RAD51B: variants seen among roughly 807,000 people sequenced by gnomAD.
RAD51B encodes the protein DNA repair protein RAD51 homolog 2.
Under a neutral mutation model 42.2 loss-of-function variants are expected in RAD51B, and 38 were observed. The ratio of observed to expected loss-of-function variants is 0.90; its 90% CI spans 0.70 to 1.18. The LOEUF (loss-of-function observed/expected upper bound fraction) is 1.18, where lower values mean the gene tolerates loss of function less well. RAD51B is among the 50% of genes most tolerant of loss of function. The probability of loss-of-function intolerance (pLI) is 0.00; values close to 1 mark genes in which losing one functional copy is unlikely to be tolerated. For missense variants in RAD51B, 373 were observed against 400.7 expected (o/e 0.93, Z 0.59); for synonymous variants, 154 against 145.2 (o/e 1.06, Z -0.43).
At chr14:68,560,222 G>A (rs1394108383) in intron 10 of RAD51B, among the ~76,000 whole-genome samples, 1 of 152,148 alleles carries the variant, frequency 6.6e-6, no homozygotes, top group African/African-American at 2.4e-5. Context: ...CACATTCAAA[G>A]GTTAAAGTAC....
intron 7 of RAD51B, among the ~76,000 whole-genome samples, chr14:68,078,919 G>A (rs139337552): frequency 6.6e-6 from 1 of 152,144 alleles, no homozygotes; most frequent in Non-Finnish European, 1.5e-5. Context: ...GAGCCTGGGA[G>A]GTTGAGGTTT....
At chr14:68,517,809 T>C (rs1168030405) in intron 10 of RAD51B, among the ~76,000 whole-genome samples, 6 of 152,356 alleles carry the variant, frequency 3.9e-5, no homozygotes, top group African/African-American at 1.4e-4. Flanking sequence ...ATTTTTATGC[T>C]TTTATTTGTC....
rs143745571 is a variant in RAD51B, at chr14:68,265,229, A to G, written c.757-26655A>G. Among the ~76,000 whole-genome samples, 6 of 152,358 alleles carry G rather than the reference A, an allele frequency of 3.9e-5. 1 individual carries two copies. In the East Asian group the frequency reaches 1.2e-3, roughly 29 times the overall value. Reference sequence around the variant, plus strand: ...GAACTAGAATTATAATAGCAGAGTTACTGTATGTTTCAAACAGTGATTTGG... The same window carrying G: ...GAACTAGAATTATAATAGCAGAGTTGCTGTATGTTTCAAACAGTGATTTGG... On this transcript the variant is annotated intron_variant, in intron 7 of 10. Coordinates refer to ENST00000471583, the MANE Select transcript of RAD51B (RefSeq NM_133510.4).
intron 11 of RAD51B, among the ~76,000 whole-genome samples, chr14:68,674,597 T>A (rs1595058867): frequency 6.6e-6 from 1 of 152,212 alleles, no homozygotes; most frequent in East Asian, 1.9e-4. Flanking sequence ...AGTCAGAAAA[T>A]GTGTATGAGT....
At chr14:67,985,002 T>G (rs2075158671) in intron 7 of RAD51B, among the ~76,000 whole-genome samples, 2 of 152,212 alleles carry the variant, frequency 1.3e-5, no homozygotes, top group South Asian at 4.1e-4. Flanking sequence ...ACCGATCTAA[T>G]TGTCAGGTCT....
intron 8 of RAD51B, among the ~76,000 whole-genome samples, chr14:68,373,080 T>C (rs1317990819): frequency 6.6e-6 from 1 of 152,246 alleles, no homozygotes; most frequent in Non-Finnish European, 1.5e-5. Flanking sequence ...TGCCAAGCTT[T>C]TCTATCTCTG....
rs1161954305 is a variant in RAD51B, at chr14:68,326,612, T to TGCCTAG, written c.853+34635_853+34640dup. Among the ~76,000 whole-genome samples the TGCCTAG allele has an allele frequency of 5.3e-5, 8 of 152,232 alleles. No individual in the cohort carries two copies. The South Asian group carries it at 6.2e-4, about 12-fold the overall frequency. On this transcript the variant is annotated intron_variant, in intron 8 of 10. Transcript: ENST00000471583. ...AGGCTTTTGATTATAAACCTCCTTA[T>TGCCTAG]GCCTAGGCTTGGCCCACACTCAACT...
At chr14:68,151,999 A>C (rs2078398399) in intron 7 of RAD51B, among the ~76,000 whole-genome samples, 1 of 151,490 alleles carries the variant, frequency 6.6e-6, no homozygotes, top group Non-Finnish European at 1.5e-5. Context: ...ATGCGCCACC[A>C]TGCCTGGCTA....
intron 4 of RAD51B, among the ~76,000 whole-genome samples, chr14:67,849,023 T>A (rs1042507350): frequency 6.6e-6 from 1 of 152,208 alleles, no homozygotes; most frequent in Non-Finnish European, 1.5e-5. Flanking sequence ...CTTTTTTCTT[T>A]TGCATTGACC....
intron 10 of RAD51B, among the ~76,000 whole-genome samples, chr14:68,512,159 G>A (rs931435274): frequency 2.6e-5 from 4 of 152,202 alleles, no homozygotes; most frequent in African/African-American, 9.7e-5. Flanking sequence ...ATAAAGGGGT[G>A]ACTTGCCTAG....
chr14:68,663,469 T>C (rs1892975130), intron 11 of RAD51B, among the ~76,000 whole-genome samples: 2 of 152,196 alleles, frequency 1.3e-5, no homozygotes, highest in African/African-American at 4.8e-5. Flanking sequence ...CTCCAGATAC[T>C]TTCTCTTTCA....
At chr14:68,512,366 C>T (rs1259799708) in intron 10 of RAD51B, among the ~76,000 whole-genome samples, 3 of 152,222 alleles carry the variant, frequency 2.0e-5, no homozygotes, top group African/African-American at 4.8e-5. Flanking sequence ...CTACGGTTTG[C>T]TTGTCAGTCC....
chr14:68,088,919 T>A (rs1361018938), intron 7 of RAD51B, among the ~76,000 whole-genome samples: 2 of 152,106 alleles, frequency 1.3e-5, no homozygotes, highest in Non-Finnish European at 2.9e-5. Flanking sequence ...TTCTTATGCT[T>A]CATTTCTGTT....
intron 7 of RAD51B, among the ~76,000 whole-genome samples, chr14:67,961,156 G>A (rs575665176): frequency 2.0e-5 from 3 of 151,708 alleles, no homozygotes; most frequent in South Asian, 2.1e-4. Context: ...ACAGGTGTGC[G>A]CCACCACACC....
chr14:68,090,714 ATTATAC>A, intron 7 of RAD51B, among the ~76,000 whole-genome samples: 1 of 150,236 alleles, frequency 6.7e-6, no homozygotes, highest in South Asian at 2.1e-4. Context: ...TATTATTATT[ATTATAC>A]TTTAAGTTTT....
chr14:67,895,658 A>T (rs181931599), intron 7 of RAD51B, among the ~76,000 whole-genome samples: 1 of 152,308 alleles, frequency 6.6e-6, no homozygotes, highest in African/African-American at 2.4e-5. Flanking sequence ...AGGACAATGT[A>T]TGGCACATAA....
chr14:68,360,569 C>T (rs540854259), intron 8 of RAD51B, among the ~76,000 whole-genome samples: 2 of 152,330 alleles, frequency 1.3e-5, no homozygotes, highest in East Asian at 3.9e-4. Context: ...CTCTAATCCT[C>T]CCAACAACTC....
chr14:68,351,938 A>C (rs1329751387), intron 8 of RAD51B, among the ~76,000 whole-genome samples: 1 of 152,190 alleles, frequency 6.6e-6, no homozygotes, highest in Non-Finnish European at 1.5e-5. Flanking sequence ...CATGGGGGAT[A>C]TTCTGGTTTC....
intron 7 of RAD51B, among the ~76,000 whole-genome samples, chr14:68,255,690 C>T (rs1595613178): frequency 6.6e-6 from 1 of 152,210 alleles, no homozygotes; most frequent in East Asian, 1.9e-4. Context: ...ACTGCCCATA[C>T]CATGATCTCA....
Sources: gnomAD v4.1 joint callset for allele counts (sites outside exome capture counted in the v4.1 genomes callset) on GRCh38, gnomAD v4.1.1 for gene constraint, MANE v1.5 for transcripts, NCBI Gene and HGNC (gene_info 2026-07-23, HGNC 2026-07-21) for gene names.